ST18: variants seen among roughly 807,000 people sequenced by gnomAD.
ST18 encodes suppression of tumorigenicity 18 protein.
Under a neutral mutation model 110.0 loss-of-function variants are expected in ST18, and 50 were observed. The ratio of observed to expected loss-of-function variants is 0.45; its 90% confidence interval spans 0.36 to 0.58. The LOEUF (loss-of-function observed/expected upper bound fraction) is 0.58, where lower values mean the gene tolerates loss of function less well. Among genes scored for constraint, ST18 ranks in the 20% least tolerant of loss-of-function variants. The pLI is 0.00. For synonymous variants in ST18, 461 were observed against 452.4 expected (o/e 1.02, Z -0.24); for missense variants, 1,306 against 1,280.1 (o/e 1.02, Z -0.31).
intron 2 of ST18, among the ~76,000 whole-genome samples, chr8:52,314,857 A>G (rs2095994609): frequency 6.6e-6 from 1 of 152,094 alleles, no homozygotes; most frequent in Non-Finnish European, 1.5e-5. Context: ...CTCCATGGAG[A>G]GACTCCTGCC....
At chr8:52,324,308 T>C (rs181291077) in intron 2 of ST18, among the ~76,000 whole-genome samples, 8 of 150,956 alleles carry the variant, frequency 5.3e-5, no homozygotes, top group African/African-American at 1.2e-4. Context: ...AGATGATGGA[T>C]GGATGGATGG....
At chr8:52,164,677 T>C (rs2062385519) in intron 12 of ST18, among the ~76,000 whole-genome samples, 1 of 152,220 alleles carries the variant, frequency 6.6e-6, no homozygotes, top group African/African-American at 2.4e-5. Context: ...CTTATGCTAG[T>C]TGCAATTTCA....
At chr8:52,134,846 G>A (rs1342237850) in intron 19 of ST18, among the ~76,000 whole-genome samples, 1 of 152,068 alleles carries the variant, frequency 6.6e-6, no homozygotes, top group Non-Finnish European at 1.5e-5. Context: ...CATTCTCCAT[G>A]AATATCTAAA....
At chr8:52,361,934 A>G (rs1825918628) in intron 2 of ST18, among the ~76,000 whole-genome samples, 1 of 152,012 alleles carries the variant, frequency 6.6e-6, no homozygotes, top group African/African-American at 2.4e-5. Context: ...GAAACCCAAT[A>G]TGTCTGAAAA....
At chr8:52,197,536 G>A (rs1278296966) in intron 8 of ST18, among the ~76,000 whole-genome samples, 1 of 152,142 alleles carries the variant, frequency 6.6e-6, no homozygotes, top group Non-Finnish European at 1.5e-5. Context: ...TAATTTAGGA[G>A]GGCTTTAAGT....
At chr8:52,146,035 T>C (rs2057146168) in intron 16 of ST18, among the ~76,000 whole-genome samples, 1 of 152,196 alleles carries the variant, frequency 6.6e-6, no homozygotes, top group South Asian at 2.1e-4. Context: ...ATGAACTAGA[T>C]AACAATGAAT....
Position 52,316,463 on chromosome 8 carries a change from A to C in ST18, c.-464-86386T>G, listed in dbSNP as rs1394006422. Among the ~76,000 whole-genome samples, 14 of 152,332 alleles carry C rather than the reference A, an allele frequency of 9.2e-5. No homozygotes were observed. In the East Asian group the frequency reaches 2.7e-3, roughly 29 times the overall value. On this transcript the variant is annotated intron_variant, in intron 2 of 25. Coordinates refer to ENST00000689386, the MANE Select transcript of ST18 (RefSeq NM_001352837.2). Reference sequence around the variant, plus strand: ...GCAAAACTTTTTATAATTTGTGTAGAATTTACACTTTTATAATATTGAGTC... The same window carrying C: ...GCAAAACTTTTTATAATTTGTGTAGCATTTACACTTTTATAATATTGAGTC...
chr8:52,258,833 CATG>C (rs2094599413), intron 2 of ST18, among the ~76,000 whole-genome samples: 5 of 152,158 alleles, frequency 3.3e-5, no homozygotes, highest in Admixed American at 3.3e-4. Context: ...TGGTGTTTAG[CATG>C]ATATTAGCTA....
Position 52,176,186 on chromosome 8 carries a change from T to A in ST18, c.278-3603A>T, listed in dbSNP as rs148742157. 9.3e-3 allele frequency among the ~76,000 whole-genome samples: 1,418 copies of A among 152,156 alleles called. 19 individuals are homozygous for A. Among genetic ancestry groups the A allele is most frequent in the African/African-American group, 0.033 (1,361 of 41,510 alleles). The stretch of plus-strand genomic sequence containing the variant: ...ACAAGCAAACACCACCGCATCCGGC[T>A]AATATTTTTTGTATTTTTAGTAGAG... On this transcript the variant is annotated intron_variant, in intron 9 of 25. Transcript: ENST00000689386.
intron 2 of ST18, among the ~76,000 whole-genome samples, chr8:52,360,068 T>A (rs1218487469): frequency 6.6e-6 from 1 of 152,128 alleles, no homozygotes; most frequent in African/African-American, 2.4e-5. Flanking sequence ...CTAATTTAAA[T>A]ATTATCAAGT....
intron 2 of ST18, among the ~76,000 whole-genome samples, chr8:52,300,441 A>G (rs898421718): frequency 1.4e-4 from 21 of 152,206 alleles, no homozygotes; most frequent in Non-Finnish European, 2.9e-4. Context: ...ACAGAGAATT[A>G]TATGTAGCTA....
At chr8:52,357,713 ATATATATATATATATAT>A (rs1823646682) in intron 2 of ST18, among the ~76,000 whole-genome samples, 3 of 75,190 alleles carry the variant, frequency 4.0e-5, no homozygotes, top group Non-Finnish European at 6.9e-5. Context: ...ATATATATAT[ATATATATATATATATAT>A]AAAACAGACT....
chr8:52,333,227 C>T (rs1366784821), intron 2 of ST18, among the ~76,000 whole-genome samples: 1 of 151,694 alleles, frequency 6.6e-6, no homozygotes, highest in Non-Finnish European at 1.5e-5. Flanking sequence ...AAACGTTTCT[C>T]AAGGGAAAGT....
chr8:52,129,451 CAAAAAAA>C (rs34059224), intron 22 of ST18, among the ~76,000 whole-genome samples: 8 of 72,278 alleles, frequency 1.1e-4, no homozygotes, highest in Middle Eastern at 8.6e-3. Context: ...GAGACTCCAT[CAAAAAAA>C]AAAAAAAAAA....
At chr8:52,132,798 T>C (rs1365410538) in intron 21 of ST18, among the ~76,000 whole-genome samples, 2 of 152,230 alleles carry the variant, frequency 1.3e-5, no homozygotes. Flanking sequence ...TCCACAATAA[T>C]ACTTTCCTTT....
intron 2 of ST18, among the ~76,000 whole-genome samples, chr8:52,260,966 CT>C (rs1162363291): frequency 6.6e-6 from 1 of 152,120 alleles, no homozygotes; most frequent in African/African-American, 2.4e-5. Context: ...GTCTTCATGA[CT>C]GAATAGTTGG....
At chr8:52,400,267 A>T (rs939337513) in intron 2 of ST18, among the ~76,000 whole-genome samples, 3 of 151,622 alleles carry the variant, frequency 2.0e-5, no homozygotes, top group African/African-American at 7.3e-5. Context: ...ATCTTTTTTC[A>T]CTCCCTTCAC....
At chr8:52,407,350 G>T (rs943555290) in intron 2 of ST18, 2 of 152,156 alleles carry the variant, frequency 1.3e-5, no homozygotes, top group African/African-American at 4.8e-5. Flanking sequence ...TTGCATCAAG[G>T]AAATATGGAT....
chr8:52,167,114 C>T lies in ST18; in HGVS notation c.1070-128G>A, dbSNP rs972640407. On this transcript the variant is annotated intron_variant, in intron 10 of 25. Coordinates refer to ENST00000689386, the MANE Select transcript of ST18 (RefSeq NM_001352837.2). ...ACCGTTATAAACATTCTTCTCACAT[C>T]GCCTTGAACAAGACCCTCAACTAAG... 1.3e-5 allele frequency: 17 copies of T among 1,281,240 alleles called. No homozygotes were observed. The East Asian group carries it at 1.5e-4, about 11-fold the overall frequency. 79.4% of individuals were successfully genotyped at this position (1,281,240 alleles called of 1,614,324 possible). A position where few individuals can be genotyped will look rare whatever the true frequency, so the allele number is the denominator to read the frequency against.
Sources: gnomAD v4.1 joint callset for allele counts (sites outside exome capture counted in the v4.1 genomes callset) on GRCh38, gnomAD v4.1.1 for gene constraint, MANE v1.5 for transcripts, NCBI Gene and HGNC (gene_info 2026-07-23, HGNC 2026-07-21) for gene names.